The following KCNIP4 variants were observed in gnomAD, a reference collection of about 807,000 sequenced individuals.
The protein encoded by KCNIP4 is potassium voltage-gated channel interacting protein 4.
Under a neutral mutation model 34.0 loss-of-function variants are expected in KCNIP4, and 12 were observed. That is an observed-to-expected ratio of 0.35 (90% confidence interval 0.23 to 0.57). KCNIP4 has a LOEUF of 0.57. Ranked by LOEUF, KCNIP4 falls within the 20% of genes least tolerant of loss-of-function variation. The pLI, the probability that KCNIP4 is intolerant of heterozygous loss-of-function variation, is 0.83. For synonymous variants in KCNIP4, 124 were observed against 102.2 expected (o/e 1.21, Z -1.29); for missense variants, 238 against 311.7 (o/e 0.76, Z 1.78).
chr4:21,135,699 T>C (rs113088897), intron 1 of KCNIP4, among the ~76,000 whole-genome samples: 2 of 152,210 alleles, frequency 1.3e-5, no homozygotes, highest in Admixed American at 6.5e-5. Context: ...ATTCAGAATA[T>C]TTGCATACAA....
chr4:20,984,342 G>A (rs991418687), intron 1 of KCNIP4, among the ~76,000 whole-genome samples: 2 of 152,242 alleles, frequency 1.3e-5, no homozygotes, highest in Non-Finnish European at 2.9e-5. Flanking sequence ...GAGGACGCGA[G>A]GCTGGGCAGA....
At chr4:21,487,074 T>A (rs1379702832) in intron 1 of KCNIP4, among the ~76,000 whole-genome samples, 1 of 152,186 alleles carries the variant, frequency 6.6e-6, no homozygotes, top group Non-Finnish European at 1.5e-5. Context: ...GTGCTGGGAT[T>A]ACAGGTGTGA....
At chr4:21,157,787 G>C (rs1307097531) in intron 1 of KCNIP4, among the ~76,000 whole-genome samples, 1 of 151,900 alleles carries the variant, frequency 6.6e-6, no homozygotes, top group East Asian at 1.9e-4. Context: ...AGAAAAAGAA[G>C]AGTAAATTAA....
At chr4:21,432,123 T>C (rs1289731936) in intron 1 of KCNIP4, among the ~76,000 whole-genome samples, 1 of 111,232 alleles carries the variant, frequency 9.0e-6, no homozygotes, top group African/African-American at 3.5e-5. Flanking sequence ...TATATATATA[T>C]ATATATATAT....
At chr4:21,886,476 A>T (rs142975040) in intron 1 of KCNIP4, among the ~76,000 whole-genome samples, 65 of 152,230 alleles carry the variant, frequency 4.3e-4, no homozygotes, top group Non-Finnish European at 7.1e-4. Context: ...CCCCTCTTCA[A>T]CACTTAACCC....
At chr4:21,769,185 A>G (rs970017895) in intron 1 of KCNIP4, among the ~76,000 whole-genome samples, 1 of 151,314 alleles carries the variant, frequency 6.6e-6, no homozygotes, top group Non-Finnish European at 1.5e-5. Context: ...TTTAAAAAAA[A>G]CTACTCCAAT....
At chr4:21,252,437 G>A (rs1438878317) in intron 1 of KCNIP4, among the ~76,000 whole-genome samples, 1 of 152,046 alleles carries the variant, frequency 6.6e-6, no homozygotes, top group African/African-American at 2.4e-5. Flanking sequence ...GCCAAGGTAT[G>A]TTTTAAGTAG....
intron 1 of KCNIP4, among the ~76,000 whole-genome samples, chr4:21,803,093 G>C (rs1030620784): frequency 6.6e-6 from 1 of 152,136 alleles, no homozygotes; most frequent in Non-Finnish European, 1.5e-5. Context: ...TGCTCCAGAA[G>C]ACAGACAAAG....
chr4:21,764,955 T>A (rs1264845137), intron 1 of KCNIP4, among the ~76,000 whole-genome samples: 1 of 151,920 alleles, frequency 6.6e-6, no homozygotes, highest in East Asian at 1.9e-4. Flanking sequence ...TTAAAAGCTG[T>A]GTATTGGAGG....
At chr4:21,095,632 G>A (rs1375385812) in intron 1 of KCNIP4, among the ~76,000 whole-genome samples, 4 of 152,104 alleles carry the variant, frequency 2.6e-5, no homozygotes, top group Non-Finnish European at 5.9e-5. Context: ...TGTTTCATTA[G>A]TGTGTAAGAG....
chr4:21,732,000 A>G (rs1460304383), intron 1 of KCNIP4, among the ~76,000 whole-genome samples: 2 of 151,358 alleles, frequency 1.3e-5, no homozygotes, highest in Admixed American at 6.6e-5. Flanking sequence ...AATAATTCCA[A>G]ACACACATAA....
intron 1 of KCNIP4, among the ~76,000 whole-genome samples, chr4:20,984,490 G>C (rs1002566277): frequency 1.3e-5 from 2 of 152,172 alleles, no homozygotes; most frequent in Non-Finnish European, 2.9e-5. Flanking sequence ...AATCAGTTCT[G>C]GTGGCTGGTG....
intron 1 of KCNIP4, among the ~76,000 whole-genome samples, chr4:21,256,575 GGT>G (rs1397073539): frequency 6.6e-6 from 1 of 152,024 alleles, no homozygotes; most frequent in African/African-American, 2.4e-5. Flanking sequence ...CTTCAGCCTG[GGT>G]GACAGAGTAA....
At chr4:21,606,595 GTTTGT>G (rs1445425251) in intron 1 of KCNIP4, among the ~76,000 whole-genome samples, 1 of 151,888 alleles carries the variant, frequency 6.6e-6, no homozygotes, top group Non-Finnish European at 1.5e-5. Context: ...TTTGTTTGTT[GTTTGT>G]TGTTTGTTTT....
chr4:21,472,321 A>AT (rs1730540119), intron 1 of KCNIP4, among the ~76,000 whole-genome samples: 1 of 152,082 alleles, frequency 6.6e-6, no homozygotes, highest in Admixed American at 6.6e-5. Flanking sequence ...GGTAGAGCAA[A>AT]TAGGGGGATA....
chr4:21,399,276 A>T (rs1021685647), intron 1 of KCNIP4, among the ~76,000 whole-genome samples: 1 of 152,166 alleles, frequency 6.6e-6, no homozygotes, highest in Non-Finnish European at 1.5e-5. Context: ...AGGGCCAATG[A>T]GGCATGAGGC....
chr4:21,229,883 T>A (rs1045217516), intron 1 of KCNIP4, among the ~76,000 whole-genome samples: 2 of 152,168 alleles, frequency 1.3e-5, no homozygotes, highest in Non-Finnish European at 2.9e-5. Context: ...CTACTTGTTG[T>A]ATACAGTTTA....
intron 3 of KCNIP4, among the ~76,000 whole-genome samples, chr4:20,803,074 CAAA>C (rs4054902): frequency 0.26 from 19,989 of 78,008 alleles, 1,381 homozygotes; most frequent in East Asian, 0.35. Flanking sequence ...GACTCTGCCT[CAAA>C]AAAAAAAAAA....
chr4:21,173,249 A>G (rs1346897433), intron 1 of KCNIP4, among the ~76,000 whole-genome samples: 1 of 152,076 alleles, frequency 6.6e-6, no homozygotes, highest in African/African-American at 2.4e-5. Context: ...AAAGATATTA[A>G]AAAGTGCTAG....
Sources: allele counts gnomAD v4.1 joint callset (sites outside exome capture counted in the v4.1 genomes callset), GRCh38; gene constraint gnomAD v4.1.1; transcripts MANE v1.5; gene names NCBI Gene and HGNC (gene_info 2026-07-23, HGNC 2026-07-21).